KIAA0319: variants seen among roughly 807,000 people sequenced by gnomAD.
The protein encoded by KIAA0319 is KIAA0319, also known as dyslexia-associated protein KIAA0319.
Under a neutral mutation model 108.4 loss-of-function variants are expected in KIAA0319, and 83 were observed. That is an observed-to-expected ratio of 0.77 (90% CI 0.64 to 0.92). The LOEUF (loss-of-function observed/expected upper bound fraction) is 0.92, where lower values mean the gene tolerates loss of function less well. Among genes scored for constraint, KIAA0319 ranks in the 40% least tolerant of loss-of-function variants. KIAA0319 has a pLI of 0.00. For missense variants in KIAA0319, 1,195 were observed against 1,322.4 expected (o/e 0.90, Z 1.49); for synonymous variants, 484 against 510.4 (o/e 0.95, Z 0.70).
chr6:24,567,668 T>A (rs559071450), intron 13 of KIAA0319, among the ~76,000 whole-genome samples: 10 of 152,160 alleles, frequency 6.6e-5, no homozygotes, highest in Admixed American at 6.5e-4. Flanking sequence ...AGCACAGTAC[T>A]CCAGTCCGAG....
chr6:24,608,510 T>A lies in KIAA0319; in HGVS notation c.-105-7302A>T, dbSNP rs536754734. ...TTGAGGGAAAACTGGTCCTACCATA[T>A]AATGAAATATATTATTTTTAAAAAT... On this transcript the variant is annotated intron_variant, in intron 1 of 20. Transcript: ENST00000378214. 5.3e-5 allele frequency among the ~76,000 whole-genome samples: 8 copies of A among 152,244 alleles called. No individual in the cohort carries two copies. In the South Asian group the frequency reaches 1.5e-3, roughly 28 times the overall value.
At chr6:24,645,447 C>T (rs13220596) in intron 1 of KIAA0319, among the ~76,000 whole-genome samples, 4,556 of 152,200 alleles carry the variant, frequency 0.03, 111 homozygotes, top group Middle Eastern at 0.088. Context: ...TAGGAAAGAT[C>T]ACATAAATAG....
At chr6:24,589,229 T>C (rs1177378049) in intron 3 of KIAA0319, among the ~76,000 whole-genome samples, 1 of 152,150 alleles carries the variant, frequency 6.6e-6, no homozygotes, top group Non-Finnish European at 1.5e-5. Context: ...CGTGCCCTTA[T>C]AAGTAGAGGA....
intron 1 of KIAA0319, among the ~76,000 whole-genome samples, chr6:24,644,108 G>A (rs149854230): frequency 1.3e-5 from 2 of 152,340 alleles, no homozygotes; most frequent in East Asian, 1.9e-4. Context: ...TTCTCCTCAT[G>A]TCTGCGTGGG....
chr6:24,547,890 G>A (rs1459173276), intron 20 of KIAA0319, among the ~76,000 whole-genome samples: 4 of 152,184 alleles, frequency 2.6e-5, no homozygotes, highest in African/African-American at 9.7e-5. Flanking sequence ...AGACTTGGCT[G>A]GGCATGGTGG....
intron 2 of KIAA0319, among the ~76,000 whole-genome samples, chr6:24,596,973 A>AT (rs1222435995): frequency 2.0e-5 from 3 of 149,874 alleles, no homozygotes; most frequent in African/African-American, 7.4e-5. Context: ...CCATCCATCC[A>AT]CCCTCCCATC....
Position 24,599,456 on chromosome 6 carries a change from A to G in KIAA0319, c.55+1593T>C, listed in dbSNP as rs541552371. On this transcript the variant is annotated intron_variant, in intron 2 of 20. Transcript: ENST00000378214. The surrounding 1 kb of genome is among the most constrained non-coding windows in gnomAD (Gnocchi z 4.1). ...TGCAGTGGGCCATGCAGGACATGGC[A>G]TGGCAGCTGCATGAGTACCAGGAGC... is the stretch of plus-strand genomic sequence containing the variant. 1.3e-3 allele frequency: 704 copies of G among 552,658 alleles called. 3 individuals are homozygous for G. The highest frequency in any genetic ancestry group is 2.1e-3 in the Non-Finnish European group (602 of 287,610). 34.2% of individuals were successfully genotyped at this position (552,658 alleles called of 1,614,324 possible).
rs1763943639 is a variant in KIAA0319 at position 24,566,664 on chromosome 6, C to A, written c.2225G>T (p.Arg742Met). 6.2e-7 allele frequency: 1 copy of A among 1,613,700 alleles called. No individual in the cohort carries two copies. The highest frequency in any genetic ancestry group is 8.5e-7 in the Non-Finnish European group (1 of 1,179,804). ...CACAATTCTTTGGTCATCAGTAGACCTTGAACCATCCAAAGTAATGGAATT... is the reference window on the plus strand; with the variant it reads ...CACAATTCTTTGGTCATCAGTAGACATTGAACCATCCAAAGTAATGGAATT... ...PNNSITLDGS[R>M]STDDQRIVSY... The change falls in exon 14 of 21, where the codon AGG (arginine) becomes ATG (methionine). Residue 742 changes from arginine to methionine, a missense_variant. Transcript: ENST00000378214.
In KIAA0319 at chr6:24,566,675, C is replaced by T. The variant is rs267600901; in HGVS notation, c.2214G>A (p.Leu738=). ...GGTCATCAGTAGACCTTGAACCATCCAAAGTAATGGAATTATTGGGAAGCA... is the reference window on the plus strand; with the variant it reads ...GGTCATCAGTAGACCTTGAACCATCTAAAGTAATGGAATTATTGGGAAGCA... The part of the protein sequence containing the change: ...VLVLPNNSIT[L]DGSRSTDDQR... The change falls in exon 14 of 21, where the codon TTG becomes TTA. Residue 738 remains leucine, a synonymous_variant. Coordinates refer to ENST00000378214, the MANE Select transcript of KIAA0319 (RefSeq NM_014809.4). 1 of 1,613,664 alleles carries T rather than the reference C, an allele frequency of 6.2e-7. No homozygotes were observed. Among genetic ancestry groups the T allele is most frequent in the Non-Finnish European group, 8.5e-7 (1 of 1,179,754 alleles).
At chr6:24,595,056 A>G (rs971655536) in intron 3 of KIAA0319, among the ~76,000 whole-genome samples, 2 of 152,124 alleles carry the variant, frequency 1.3e-5, no homozygotes, top group Non-Finnish European at 2.9e-5. Flanking sequence ...GAGCTTTTTC[A>G]TGGAACGTTT....
chr6:24,617,583 TAG>T (rs1554172455), intron 1 of KIAA0319, among the ~76,000 whole-genome samples: 2 of 152,148 alleles, frequency 1.3e-5, no homozygotes, highest in Non-Finnish European at 2.9e-5. Context: ...ATTTATACAA[TAG>T]AGAGATGTGA....
chr6:24,629,580 G>A (rs1775243356), intron 1 of KIAA0319, among the ~76,000 whole-genome samples: 1 of 150,920 alleles, frequency 6.6e-6, no homozygotes, highest in Non-Finnish European at 1.5e-5. Context: ...ATAAGGTACT[G>A]TACAGCTAAA....
chr6:24,643,730 A>T lies in KIAA0319; in HGVS notation c.-106+2006T>A, dbSNP rs1777260840. ...ATTTCCTGAAAAAGAACACATCTCA[A>T]AAATAACAACACTTATTGAAGCGTT... is the stretch of plus-strand genomic sequence containing the variant. On this transcript the variant is annotated intron_variant, in intron 1 of 20. Coordinates refer to ENST00000378214, the MANE Select transcript of KIAA0319 (RefSeq NM_014809.4). 2.0e-5 allele frequency among the ~76,000 whole-genome samples: 3 copies of T among 152,254 alleles called. No individual in the cohort carries two copies. In the South Asian group the frequency reaches 6.2e-4, roughly 31 times the overall value.
At chr6:24,602,977 T>A (rs1255562418) in intron 1 of KIAA0319, among the ~76,000 whole-genome samples, 1 of 152,206 alleles carries the variant, frequency 6.6e-6, no homozygotes, top group Non-Finnish European at 1.5e-5. Flanking sequence ...TTTTTACATA[T>A]GCACAAGAAT....
At chr6:24,579,740 G>T in intron 8 of KIAA0319, 118 bp downstream of exon 8, 1 of 700,592 alleles carries the variant, frequency 1.4e-6, no homozygotes, top group Non-Finnish European at 2.4e-6. Flanking sequence ...AAAGAAGGAG[G>T]TGATCGTTTA....
At chr6:24,541,140 A>C (rs2817239), downstream of KIAA0319, among the ~76,000 whole-genome samples, 1 of 151,810 alleles carries the variant, frequency 6.6e-6, no homozygotes, top group Admixed American at 6.6e-5. Flanking sequence ...TATTATATAC[A>C]TGCAAAAAAA....
rs774034908 is a variant in KIAA0319 at position 24,583,641 on chromosome 6, A to C, written c.1056T>G (p.Val352=). Residue 352 remains valine, a synonymous_variant, in exon 5 of 21, where the codon GTT becomes GTG. Transcript: ENST00000378214. ...CTGGCGCAACAAAGGCCTTCAGTTC[A>C]ACTTCATTGTCGGGTAAAGTTATAA... ...NLIITLPDNE[V]ELKAFVAPAP... is the part of the protein sequence containing the mutation. 9 of 1,614,028 alleles carry C rather than the reference A, an allele frequency of 5.6e-6. No homozygotes were observed. In the South Asian group the frequency reaches 9.9e-5, roughly 18 times the overall value.
downstream of KIAA0319, among the ~76,000 whole-genome samples, chr6:24,540,650 C>T (rs1412278564): frequency 6.8e-6 from 1 of 146,704 alleles, no homozygotes; most frequent in Admixed American, 6.8e-5. Flanking sequence ...GACTTTGTTT[C>T]TTTTTTTTTT....
Position 24,601,043 on chromosome 6 carries a change from C to T in KIAA0319, c.55+6G>A, listed in dbSNP as rs762029462. 1 of 1,613,956 alleles carries T rather than the reference C, an allele frequency of 6.2e-7. No homozygotes were observed. The highest frequency in any genetic ancestry group is 1.1e-5 in the South Asian group (1 of 91,056). ...CACGGGTATCTCCAGGGTAGTAGTT[C>T]CCTACCTGCAATTGTCACCAGCAGC... On this transcript the variant is annotated splice_donor_region_variant and intron_variant, in intron 2 of 20. Transcript: ENST00000378214.
Sources: allele counts gnomAD v4.1 joint callset (sites outside exome capture counted in the v4.1 genomes callset), GRCh38; gene constraint gnomAD v4.1.1; non-coding constraint Gnocchi (gnomAD v3.1); transcripts MANE v1.5; gene names NCBI Gene and HGNC (gene_info 2026-07-23, HGNC 2026-07-21).